The following PCDH11X variants were observed in gnomAD, a reference collection of about 807,000 sequenced individuals.
PCDH11X encodes protocadherin-11 X-linked.
In PCDH11X, 18 loss-of-function variants were observed where a neutral mutation model predicts 53.3. The ratio of observed to expected loss-of-function variants is 0.34; its 90% confidence interval spans 0.23 to 0.50. PCDH11X has a LOEUF of 0.50. Ranked by LOEUF, PCDH11X falls within the 20% of genes least tolerant of loss-of-function variation. PCDH11X has a pLI of 0.98. For missense variants in PCDH11X, 570 were observed against 1,032.4 expected, an observed-to-expected ratio of 0.55 and a Z score of 6.14; for synonymous variants, 279 against 393.3, an observed-to-expected ratio of 0.71 and a Z score of 3.44.
intron 9 of PCDH11X, among the ~76,000 whole-genome samples, chrX:92,452,388 G>A (rs1391296868): frequency 2.2e-4 from 20 of 89,686 alleles, no homozygotes; most frequent in African/African-American, 7.9e-4. Context: ...TGATATTTGA[G>A]CACTGTACTG....
intron 7 of PCDH11X, among the ~76,000 whole-genome samples, chrX:92,218,094 G>C (rs1342611508): frequency 9.0e-6 from 1 of 111,001 alleles, no homozygotes; most frequent in Non-Finnish European, 1.9e-5. Flanking sequence ...AGAGAAAGCA[G>C]GAAAGATCCA....
intron 8 of PCDH11X, among the ~76,000 whole-genome samples, chrX:92,285,246 A>ATTTTTTTTTTTTTTTTTT (rs36047305): frequency 2.5e-5 from 1 of 40,774 alleles, no homozygotes; most frequent in Non-Finnish European, 4.8e-5. Context: ...AGACTGTAGA[A>ATTTTTTTTTTTTTTTTTT]TTTTTTTTTT....
intron 10 of PCDH11X, among the ~76,000 whole-genome samples, chrX:92,469,367 A>G (rs1279370820): frequency 9.0e-6 from 1 of 111,297 alleles, no homozygotes; most frequent in East Asian, 2.8e-4. Flanking sequence ...TCTAATGTCC[A>G]TGATACATTT....
intron 9 of PCDH11X, among the ~76,000 whole-genome samples, chrX:92,421,056 C>A (rs2071954239): frequency 9.0e-6 from 1 of 111,446 alleles, no homozygotes; most frequent in Non-Finnish European, 1.9e-5. Context: ...TTGACTCTTG[C>A]CTCTGTCATC....
At chrX:92,164,175 C>T (rs1221149024) in intron 6 of PCDH11X, among the ~76,000 whole-genome samples, 2 of 111,837 alleles carry the variant, frequency 1.8e-5, no homozygotes, top group Non-Finnish European at 3.8e-5. Context: ...ATTTATGACA[C>T]GGGCTTCTTC....
intron 10 of PCDH11X, among the ~76,000 whole-genome samples, chrX:92,596,961 A>G (rs1254317650): frequency 8.9e-6 from 1 of 111,833 alleles, no homozygotes; most frequent in African/African-American, 3.2e-5. Flanking sequence ...GATTATTTCA[A>G]TTGAAGTCAA....
intron 6 of PCDH11X, among the ~76,000 whole-genome samples, chrX:91,885,660 C>T (rs752700283): frequency 5.8e-4 from 65 of 111,358 alleles, no homozygotes; most frequent in Middle Eastern, 4.6e-3. Flanking sequence ...GTGAACCTTT[C>T]CTTCATAACT....
chrX:92,316,979 A>G (rs2755354), intron 8 of PCDH11X, among the ~76,000 whole-genome samples: 7 of 111,487 alleles, frequency 6.3e-5, no homozygotes, highest in South Asian at 3.7e-4. Flanking sequence ...GAATTAAAAT[A>G]TTTATGTCTT....
chrX:92,194,393 T>A (rs1258038196), intron 6 of PCDH11X, among the ~76,000 whole-genome samples: 1 of 111,792 alleles, frequency 8.9e-6, no homozygotes, highest in Non-Finnish European at 1.9e-5. Context: ...TACTCATAAT[T>A]CATAACTCTT....
At chrX:91,914,430 A>G (rs1218370461) in intron 6 of PCDH11X, among the ~76,000 whole-genome samples, 1 of 111,718 alleles carries the variant, frequency 9.0e-6, no homozygotes, top group Non-Finnish European at 1.9e-5. Flanking sequence ...TAAACACTTC[A>G]GAAGGTAGAT....
rs1444914396 is a variant in PCDH11X, at chrX:91,812,650, ACT to A, written c.-45+1358_-45+1359del. Among the ~76,000 whole-genome samples, 6 of 110,951 alleles carry A rather than the reference ACT, an allele frequency of 5.4e-5. No individual in the cohort carries two copies. The East Asian group carries it at 1.4e-3, about 26-fold the overall frequency. The stretch of plus-strand genomic sequence containing the variant: ...GTTTTCATAACAGCTTGTTGCTCAG[ACT>A]CTATGAGTACTTCTTATTTTGTTAG... On this transcript the variant is annotated intron_variant, in intron 4 of 10. Transcript: ENST00000682573.
chrX:91,842,723 T>C (rs2147636126), intron 5 of PCDH11X, among the ~76,000 whole-genome samples: 1 of 102,717 alleles, frequency 9.7e-6, no homozygotes, highest in South Asian at 4.7e-4. Context: ...AGGAAAGTAG[T>C]ATAACGTCAT....
chrX:91,828,342 G>A (rs2905835), intron 4 of PCDH11X, among the ~76,000 whole-genome samples: 1 of 110,295 alleles, frequency 9.1e-6, no homozygotes, highest in Admixed American at 9.7e-5. Context: ...GAATGGTCTC[G>A]ATCTCCTGAC....
intron 6 of PCDH11X, among the ~76,000 whole-genome samples, chrX:92,135,757 TTGTGTGTG>T (rs575523392): frequency 1.0e-5 from 1 of 100,190 alleles, no homozygotes; most frequent in African/African-American, 3.7e-5. Flanking sequence ...GTGTGCATGT[TTGTGTGTG>T]TGTGTGTGTG....
At chrX:92,261,781 G>A (rs1244517166) in intron 7 of PCDH11X, among the ~76,000 whole-genome samples, 3 of 111,713 alleles carry the variant, frequency 2.7e-5, no homozygotes, top group Non-Finnish European at 5.7e-5. Context: ...TTATTTAAGT[G>A]TATCATTCAT....
intron 10 of PCDH11X, among the ~76,000 whole-genome samples, chrX:92,564,107 G>A (rs1042031311): frequency 4.5e-5 from 5 of 110,624 alleles, no homozygotes; most frequent in African/African-American, 1.6e-4. Flanking sequence ...TCTGATAAAA[G>A]TAACTGAAGA....
intron 8 of PCDH11X, among the ~76,000 whole-genome samples, chrX:92,310,454 G>A (rs760704734): frequency 1.8e-5 from 2 of 110,562 alleles, no homozygotes; most frequent in South Asian, 7.8e-4. Context: ...TGTTGCCCAG[G>A]CTCGACTCAC....
At chrX:92,253,427 T>C (rs1371451403) in intron 7 of PCDH11X, among the ~76,000 whole-genome samples, 1 of 108,685 alleles carries the variant, frequency 9.2e-6, no homozygotes, top group Non-Finnish European at 1.9e-5. Flanking sequence ...TTCTGGGTCT[T>C]TTGTGGTTCC....
Position 92,297,866 on chromosome X carries a change from C to G in PCDH11X, c.3144+34723C>G, listed in dbSNP as rs959045025. Among the ~76,000 whole-genome samples the G allele has an allele frequency of 2.8e-5, 3 of 107,114 alleles. No homozygotes were observed. The Admixed American group carries it at 3.0e-4, about 11-fold the overall frequency. 93.0% of individuals were successfully genotyped at this position (107,114 alleles called of 115,157 possible). The stretch of plus-strand genomic sequence containing the variant: ...TTGTTATAGAGGTTTTTCACCTTCC[C>G]GGTTAGATGTTTCCCCAGATATTGT... On this transcript the variant is annotated intron_variant, in intron 8 of 10. Coordinates refer to ENST00000682573, the MANE Select transcript of PCDH11X (RefSeq NM_032968.5).
Sources: gnomAD v4.1 joint callset for allele counts (sites outside exome capture counted in the v4.1 genomes callset) on GRCh38, gnomAD v4.1.1 for gene constraint, MANE v1.5 for transcripts, NCBI Gene and HGNC (gene_info 2026-07-23, HGNC 2026-07-21) for gene names.